Variants in PC observed in about 807,000 individuals in gnomAD.
PC encodes pyruvate carboxylase.
Under a neutral mutation model 107.8 loss-of-function variants are expected in PC, and 46 were observed. The observed-to-expected ratio is 0.43, with a 90% CI of 0.34 to 0.55. PC has a LOEUF of 0.55. Among genes scored for constraint, PC ranks in the 20% least tolerant of loss-of-function variants. PC has a pLI of 0.04. For missense variants in PC, 1,241 were observed against 1,643.1 expected, an observed-to-expected ratio of 0.76 and a Z score of 4.23; for synonymous variants, 662 against 684.7, an observed-to-expected ratio of 0.97 and a Z score of 0.52.
At chr11:66,859,574 T>C in intron 12 of PC, 1 of 1,600,230 alleles carries the variant, frequency 6.2e-7, no homozygotes. Context: ...AGCACGGGAG[T>C]GGGGAGGTGA....
chr11:66,948,655 T>C (rs981026515), intron 3 of PC, among the ~76,000 whole-genome samples: 3 of 152,026 alleles, frequency 2.0e-5, no homozygotes, highest in African/African-American at 7.2e-5. Flanking sequence ...GCCTGGGCAA[T>C]GTGGTGAAAC....
intron 3 of PC, among the ~76,000 whole-genome samples, chr11:66,914,389 G>A (rs779784481): frequency 3.2e-4 from 49 of 152,054 alleles, no homozygotes; most frequent in Non-Finnish European, 6.2e-4. Flanking sequence ...GCAGGCACCT[G>A]TAATGCCAGC....
Position 66,852,362 on chromosome 11 carries a change from C to G in PC, c.1825+77G>C. The G allele has an allele frequency of 8.5e-7, 1 of 1,172,732 alleles. No homozygotes were observed. Among genetic ancestry groups the G allele is most frequent in the Non-Finnish European group, 1.3e-6 (1 of 780,266 alleles). The allele number at this position is 1,172,732 out of a possible 1,614,324, so 72.6% of individuals were successfully genotyped here. ...CGTGTCAGCGTCTCTAGCTTGTCCC[C>G]AGTGGCCTAAGCCTGTGGGACTGGC... On this transcript the variant is annotated intron_variant, in intron 15 of 22. Transcript: ENST00000393960. This position sits in a 1 kb window ranked among gnomAD's most constrained non-coding sequence, Gnocchi z 4.7.
chr11:66,848,474 C>G lies in PC; in HGVS notation c.*425G>C. The G allele has an allele frequency of 1.8e-6, 1 of 544,788 alleles. No homozygotes were observed. The highest frequency in any genetic ancestry group is 2.8e-5 in the South Asian group (1 of 35,408). The allele number at this position is 544,788 out of a possible 1,614,324, so 33.7% of individuals were successfully genotyped here. ...CCCATGGGGAGCTTGAAAGGCAGCC[C>G]CCCACTGCTGAGTGGTGCAGGCTGG... On this transcript the variant is annotated 3_prime_UTR_variant, in exon 23 of 23. Transcript: ENST00000393960.
At chr11:66,927,844 C>G (rs1441999113) in intron 3 of PC, among the ~76,000 whole-genome samples, 3 of 151,508 alleles carry the variant, frequency 2.0e-5, no homozygotes, top group Non-Finnish European at 4.4e-5. Flanking sequence ...AGCCTGGAGA[C>G]TAGATCATGG....
chr11:66,882,299 TAAGAG>T (rs1161054587), intron 3 of PC, among the ~76,000 whole-genome samples: 1 of 152,178 alleles, frequency 6.6e-6, no homozygotes, highest in Non-Finnish European at 1.5e-5. Flanking sequence ...GGGCGCCACC[TAAGAG>T]CTGCTGCAGC....
At chr11:66,894,060 C>T (rs1947665152) in intron 3 of PC, among the ~76,000 whole-genome samples, 1 of 152,082 alleles carries the variant, frequency 6.6e-6, no homozygotes, top group Non-Finnish European at 1.5e-5. Context: ...ACCTCCTACT[C>T]ATTACCACAG....
Position 66,858,873 on chromosome 11 carries a change from A to C in PC, c.1368+4901T>G. ...GCTGGCCTTGCCCCATGGTGGGAAC[A>C]GCAGTGCCGAGGGGGGCCGCCCCGG... On this transcript the variant is annotated intron_variant, in intron 12 of 22. Coordinates refer to ENST00000393960, the MANE Select transcript of PC (RefSeq NM_001040716.2). The surrounding 1 kb of genome is among the most constrained non-coding windows in gnomAD (Gnocchi z 5.9). The C allele has an allele frequency of 6.4e-7, 1 of 1,554,882 alleles. No homozygotes were observed. Among genetic ancestry groups the C allele is most frequent in the South Asian group, 1.2e-5 (1 of 86,048 alleles).
chr11:66,860,183 G>C (rs1009851702), intron 12 of PC: 6 of 1,545,468 alleles, frequency 3.9e-6, no homozygotes, highest in Non-Finnish European at 4.4e-6. Context: ...GGCTGGAAGA[G>C]AGTGTGGTGT....
Position 66,863,906 on chromosome 11 carries a change from G to A in PC, c.1236C>T (p.Ala412=), listed in dbSNP as rs772587362. 4 of 1,614,124 alleles carry A rather than the reference G, an allele frequency of 2.5e-6. No individual in the cohort carries two copies. The South Asian group carries it at 4.4e-5, about 18-fold the overall frequency. The part of the protein sequence containing the change: ...GMGIRLDNAS[A]FQGAVISPHY... Reference sequence around the variant, plus strand: ...GGGGCGAGATGACGGCTCCTTGGAAGGCGGAAGCATTATCCAGGCGGATGC... The same window carrying A: ...GGGGCGAGATGACGGCTCCTTGGAAAGCGGAAGCATTATCCAGGCGGATGC... The change falls in exon 12 of 23, where the codon GCC becomes GCT. Residue 412 remains alanine, a synonymous_variant. Transcript: ENST00000393960.
At chr11:66,937,565 C>T (rs369665176) in intron 3 of PC, among the ~76,000 whole-genome samples, 10 of 152,194 alleles carry the variant, frequency 6.6e-5, no homozygotes, top group Admixed American at 2.0e-4. Flanking sequence ...CTGGGACTCT[C>T]ATGATGCATA....
intron 3 of PC, among the ~76,000 whole-genome samples, chr11:66,900,399 T>C (rs1947908243): frequency 6.6e-6 from 1 of 152,102 alleles, no homozygotes; most frequent in South Asian, 2.1e-4. Context: ...CCTGACCTCA[T>C]GATCCGCCCG....
chr11:66,949,056 A>C (rs1042611136), intron 3 of PC, among the ~76,000 whole-genome samples: 6 of 151,286 alleles, frequency 4.0e-5, no homozygotes, highest in Admixed American at 6.6e-5. Context: ...GCAGTGGCAT[A>C]ATCTCAGCTC....
chr11:66,871,944 G>A lies in PC; in HGVS notation c.137-73C>T. ...GCAGAAAGGGGAGTGGGAAGCCAGG[G>A]CCTGGGGCAGTGAGTGGGAGAAGAA... On this transcript the variant is annotated intron_variant, in intron 4 of 22. Coordinates refer to ENST00000393960, the MANE Select transcript of PC (RefSeq NM_001040716.2). This position sits in a 1 kb window ranked among gnomAD's most constrained non-coding sequence, Gnocchi z 7.4. 6.4e-7 allele frequency: 1 copy of A among 1,570,950 alleles called. No homozygotes were observed. The highest frequency in any genetic ancestry group is 8.6e-7 in the Non-Finnish European group (1 of 1,158,804).
intron 17 of PC, 36 bp from the exon 18 acceptor site, chr11:66,850,959 A>T (rs759460440): frequency 5.5e-5 from 89 of 1,607,414 alleles, no homozygotes; most frequent in Non-Finnish European, 5.8e-5. Context: ...GAGAGATGGT[A>T]GAGAGGGCAG....
At chr11:66,879,147 G>A (rs992334355) in intron 3 of PC, among the ~76,000 whole-genome samples, 5 of 152,098 alleles carry the variant, frequency 3.3e-5, no homozygotes, top group Admixed American at 6.5e-5. Context: ...ACACACTTGC[G>A]CCCTCCCACT....
chr11:66,877,241 C>A (rs1947014578), intron 3 of PC, among the ~76,000 whole-genome samples: 1 of 152,130 alleles, frequency 6.6e-6, no homozygotes, highest in African/African-American at 2.4e-5. Flanking sequence ...CAAAAATTAG[C>A]CCAGCATGAT....
intron 3 of PC, among the ~76,000 whole-genome samples, chr11:66,923,802 G>A (rs903183869): frequency 1.3e-5 from 2 of 148,698 alleles, no homozygotes; most frequent in African/African-American, 4.9e-5. Flanking sequence ...TTACAGATGT[G>A]AGCCACCATG....
chr11:66,870,401 C>T lies in PC; in HGVS notation c.804G>A (p.Gln268=). 1 of 1,613,770 alleles carries T rather than the reference C, an allele frequency of 6.2e-7. No individual in the cohort carries two copies. Among genetic ancestry groups the T allele is most frequent in the East Asian group, 2.2e-5 (1 of 44,880 alleles). Residue 268 remains glutamine (Q), a synonymous_variant, in exon 9 of 23, where the codon CAG becomes CAA. Transcript: ENST00000393960. The surrounding 1 kb of genome is among the most constrained non-coding windows in gnomAD (Gnocchi z 6.1). ...TCTCGACCACCTTCTGGTGCCGCCG[C>T]TGGATGGAGCAGTCTCGCTCGTACA... ...LHLYERDCSI[Q]RRHQKVVEIA... is the part of the protein sequence containing the mutation.
Sources: gnomAD v4.1 joint callset for allele counts (sites outside exome capture counted in the v4.1 genomes callset) on GRCh38, gnomAD v4.1.1 for gene constraint, Gnocchi (gnomAD v3.1) non-coding constraint, MANE v1.5 for transcripts, NCBI Gene and HGNC (gene_info 2026-07-23, HGNC 2026-07-21) for gene names.